Variants in NOMO3 observed in about 807,000 individuals in gnomAD.
NOMO3 encodes the protein NODAL modulator 3.
A neutral mutation model predicts 69.9 loss-of-function variants in NOMO3; 15 were observed. That is an observed-to-expected ratio of 0.21 (90% CI 0.14 to 0.33). NOMO3 has a LOEUF of 0.33. Ranked by LOEUF, NOMO3 falls within the 10% of genes least tolerant of loss-of-function variation. The pLI is 1.00. For missense variants in NOMO3, 218 were observed against 761.0 expected (o/e 0.29, Z 8.39); for synonymous variants, 89 against 301.9 (o/e 0.29, Z 7.31).
Position 16,261,428 on chromosome 16 carries a change from C to G in NOMO3, c.1221-74C>G, listed in dbSNP as rs540739877. On this transcript the variant is annotated intron_variant, in intron 11 of 30. Transcript: ENST00000399336. ...AACAAGGGCTGGGAGAGGGCTGCAT[C>G]TTTTTTGGTCGATAAGAGCCTTTCC... The G allele has an allele frequency of 9.7e-5, 149 of 1,537,544 alleles. 14 individuals are homozygous for G. In the South Asian group the frequency reaches 1.7e-3, roughly 18 times the overall value.
At chr16:16,265,636 TG>T (rs1399988756) in intron 15 of NOMO3, among the ~76,000 whole-genome samples, 1 of 85,592 alleles carries the variant, frequency 1.2e-5, no homozygotes, top group Non-Finnish European at 2.1e-5. Flanking sequence ...TGAGTTTCTC[TG>T]ATATATATAT....
intron 14 of NOMO3, among the ~76,000 whole-genome samples, 200 bp from the exon 15 acceptor site, chr16:16,264,843 C>T (rs1277875594): frequency 7.4e-6 from 1 of 135,378 alleles, no homozygotes; most frequent in Non-Finnish European, 1.6e-5. Context: ...CCACCACGCT[C>T]GACTCCAGGT....
intron 9 of NOMO3, among the ~76,000 whole-genome samples, chr16:16,254,062 A>G (rs1408407948): frequency 7.0e-6 from 1 of 143,096 alleles, no homozygotes; most frequent in African/African-American, 2.8e-5. Context: ...CAGACTCTGC[A>G]TTTTAAGATT....
In NOMO3 at chr16:16,244,511, CTTTTTTTT is replaced by C. The variant is rs1203597061; in HGVS notation, c.403-540_403-533del. ...ATATTTTTATTTTTATGTACATTTACTTTTTTTTTTTTTTTTTTTTTTTTAAGATGGAG... is the reference window on the plus strand; with the variant it reads ...ATATTTTTATTTTTATGTACATTTACTTTTTTTTTTTTTTTTAAGATGGAG... On this transcript the variant is annotated intron_variant, in intron 4 of 30. Coordinates refer to ENST00000399336, the MANE Select transcript of NOMO3 (RefSeq NM_001004067.4). Among the ~76,000 whole-genome samples the C allele has an allele frequency of 6.2e-3, 323 of 52,418 alleles. 2 individuals are homozygous for C. The highest frequency in any genetic ancestry group is 9.7e-3 in the Non-Finnish European group (278 of 28,778). 34.4% of individuals were successfully genotyped at this position (52,418 alleles called of 152,430 possible).
At position 16,236,756 on chromosome 16, in the gene NOMO3, T is replaced by C. The variant is rs952636212; in HGVS notation, c.166-145T>C. On this transcript the variant is annotated intron_variant, in intron 1 of 30. Transcript: ENST00000399336. Reference sequence around the variant, plus strand: ...GGGAGAGAGTTTGTTGATTTCCCTCTGTCCCCAGTAATGCCCCGTGTTAAA... The same window carrying C: ...GGGAGAGAGTTTGTTGATTTCCCTCCGTCCCCAGTAATGCCCCGTGTTAAA... 9.1e-6 allele frequency: 6 copies of C among 660,654 alleles called. No homozygotes were observed. The African/African-American group carries it at 1.3e-4, about 14-fold the overall frequency. The allele number at this position is 660,654 out of a possible 1,614,324, so 40.9% of individuals were successfully genotyped here. A position where few individuals can be genotyped will look rare whatever the true frequency, so the allele number is the denominator to read the frequency against.
At chr16:16,255,390 T>G (rs28567037) in intron 9 of NOMO3, among the ~76,000 whole-genome samples, 1 of 132,142 alleles carries the variant, frequency 7.6e-6, no homozygotes, top group African/African-American at 3.4e-5. Flanking sequence ...TTCACCAAAA[T>G]GGGGGCATCT....
chr16:16,264,899 A>G (rs1477041335), intron 14 of NOMO3, 144 bp from the exon 15 acceptor site: 42 of 563,258 alleles, frequency 7.5e-5, no homozygotes, highest in Middle Eastern at 9.9e-4. Flanking sequence ...TTATAAATAT[A>G]TGTATGTGTA....
At chr16:16,240,094 C>T (rs541581821) in intron 3 of NOMO3, among the ~76,000 whole-genome samples, 198 bp downstream of exon 3, 24 of 144,236 alleles carry the variant, frequency 1.7e-4, no homozygotes, top group Admixed American at 3.4e-4. Flanking sequence ...TCAAGACTTT[C>T]TGTCACCTTT....
chr16:16,251,952 C>T lies in NOMO3; in HGVS notation c.736-11C>T. On this transcript the variant is annotated splice_polypyrimidine_tract_variant and intron_variant, in intron 7 of 30. Coordinates refer to ENST00000399336, the MANE Select transcript of NOMO3 (RefSeq NM_001004067.4). ...AAAAGGAAGTCTTGTCTTTTTTACCCCCTGGCATAGGATGTCCTGGGCTGC... is the reference window on the plus strand; with the variant it reads ...AAAAGGAAGTCTTGTCTTTTTTACCTCCTGGCATAGGATGTCCTGGGCTGC... 1.6e-6 allele frequency: 2 copies of T among 1,283,928 alleles called. No individual in the cohort carries two copies. Among genetic ancestry groups the T allele is most frequent in the South Asian group, 1.5e-5 (1 of 66,420 alleles). 79.5% of individuals were successfully genotyped at this position (1,283,928 alleles called of 1,614,324 possible).
intron 2 of NOMO3, among the ~76,000 whole-genome samples, chr16:16,239,233 A>C (rs1271298600): frequency 6.9e-6 from 1 of 144,364 alleles, no homozygotes; most frequent in Non-Finnish European, 1.5e-5. Context: ...TCACTGCAGC[A>C]CTGACCTCCT....
At chr16:16,268,817 G>T (rs182115143) in intron 16 of NOMO3, among the ~76,000 whole-genome samples, 1,933 of 143,308 alleles carry the variant, frequency 0.013, 277 homozygotes, top group African/African-American at 0.051. Context: ...AGATGGCTGT[G>T]GTTAGAAAAC....
In NOMO3 at chr16:16,237,101, T is replaced by G; in HGVS notation, c.255+111T>G. ...GCAAATGCTCATCTGTTTTGTAAAT[T>G]ATTAGTGGAATATGATAATCCTAGC... On this transcript the variant is annotated intron_variant, in intron 2 of 30. Transcript: ENST00000399336. 3 of 1,467,978 alleles carry G rather than the reference T, an allele frequency of 2.0e-6. No homozygotes were observed. In the South Asian group the frequency reaches 3.6e-5, roughly 18 times the overall value. The allele number at this position is 1,467,978 out of a possible 1,614,324, so 90.9% of individuals were successfully genotyped here. A position where few individuals can be genotyped will look rare whatever the true frequency, so the allele number is the denominator to read the frequency against.
At chr16:16,269,307 A>G (rs1349594548) in intron 16 of NOMO3, among the ~76,000 whole-genome samples, 2 of 142,674 alleles carry the variant, frequency 1.4e-5, no homozygotes, top group Non-Finnish European at 3.0e-5. Context: ...CCATGAAGAC[A>G]GGGACCACTG....
At chr16:16,255,862 G>C in intron 10 of NOMO3, 37 bp downstream of exon 10, 5 of 1,499,922 alleles carry the variant, frequency 3.3e-6, no homozygotes, top group Non-Finnish European at 4.5e-6. Flanking sequence ...GATGGCCAGC[G>C]CTCTTTTTGG....
At chr16:16,252,687 A>G (rs2141253315) in intron 9 of NOMO3, among the ~76,000 whole-genome samples, 165 bp downstream of exon 9, 1 of 92,944 alleles carries the variant, frequency 1.1e-5, no homozygotes, top group Middle Eastern at 4.3e-3. Context: ...CTTATCGTAG[A>G]GAGCTGGATT....
At position 16,265,308 on chromosome 16, in the gene NOMO3, C is replaced by A. The variant is rs1231904280; in HGVS notation, c.1806+129C>A. The A allele has an allele frequency of 1.9e-6, 3 of 1,558,948 alleles. 1 individual carries two copies. Among genetic ancestry groups the A allele is most frequent in the East Asian group, 5.3e-5 (2 of 37,988 alleles). ...TTCCTTTTCTGCCTCTGCACTCACC[C>A]ACCTGTTACGCAACGCATAATCAGG... is the stretch of plus-strand genomic sequence containing the variant. On this transcript the variant is annotated intron_variant, in intron 15 of 30. Coordinates refer to ENST00000399336, the MANE Select transcript of NOMO3 (RefSeq NM_001004067.4).
At chr16:16,258,554 T>C (rs2049535189) in intron 11 of NOMO3, among the ~76,000 whole-genome samples, 1 of 138,596 alleles carries the variant, frequency 7.2e-6, no homozygotes, top group Admixed American at 7.0e-5. Flanking sequence ...CCTAATGCAG[T>C]GGAAACCCGT....
At chr16:16,232,957 G>C (rs1831649746) in intron 1 of NOMO3, 126 bp downstream of exon 1, 1 of 58,506 alleles carries the variant, frequency 1.7e-5, no homozygotes, top group Non-Finnish European at 2.7e-5. Context: ...CTCTTCCGAG[G>C]CTATGCTGTC....
chr16:16,268,794 C>T (rs141236155), intron 16 of NOMO3, among the ~76,000 whole-genome samples: 5,979 of 142,750 alleles, frequency 0.042, 786 homozygotes, highest in African/African-American at 0.082. Context: ...CTATTTTTTG[C>T]CTTGTATTTT....
Sources: allele counts gnomAD v4.1 joint callset (sites outside exome capture counted in the v4.1 genomes callset), GRCh38; gene constraint gnomAD v4.1.1; transcripts MANE v1.5; gene names NCBI Gene and HGNC (gene_info 2026-07-23, HGNC 2026-07-21).